The following SLC4A7 variants were observed in gnomAD, a reference collection of about 807,000 sequenced individuals.
SLC4A7 encodes the protein solute carrier family 4 member 7.
In SLC4A7, 51 loss-of-function variants were observed where a neutral mutation model predicts 137.6. The ratio of observed to expected loss-of-function variants is 0.37; its 90% CI spans 0.30 to 0.47. The LOEUF (loss-of-function observed/expected upper bound fraction) is 0.47, where lower values mean the gene tolerates loss of function less well. SLC4A7 is among the 20% of genes least tolerant of loss of function. SLC4A7 has a pLI of 1.00. For synonymous variants in SLC4A7, 542 were observed against 518.6 expected, an observed-to-expected ratio of 1.05 and a Z score of -0.61; for missense variants, 1,247 against 1,525.4, an observed-to-expected ratio of 0.82 and a Z score of 3.04.
At chr3:27,457,041 G>A (rs186324000) in intron 1 of SLC4A7, 1 of 533,110 alleles carries the variant, frequency 1.9e-6, no homozygotes, top group Non-Finnish European at 2.4e-6. Flanking sequence ...TGAGAGTATG[G>A]TTTATAATTA....
Position 27,374,926 on chromosome 3 carries a change from A to C in SLC4A7, c.*1838T>G, listed in dbSNP as rs2049799738. On this transcript the variant is annotated 3_prime_UTR_variant, in exon 26 of 26. Coordinates refer to ENST00000454389, the MANE Select transcript of SLC4A7 (RefSeq NM_001321103.2). ...GGAATCATTACAATGGAAGCTCATA[A>C]ACAATAATAAGCACCGTGGGTAATA... 1 of 152,500 alleles carries C rather than the reference A, an allele frequency of 6.6e-6. No homozygotes were observed. Among genetic ancestry groups the C allele is most frequent in the African/African-American group, 2.4e-5 (1 of 41,444 alleles). The allele number at this position is 152,500 out of a possible 1,614,324, so 9.4% of individuals were successfully genotyped here. A position where few individuals can be genotyped will look rare whatever the true frequency, so the allele number is the denominator to read the frequency against.
intron 7 of SLC4A7, among the ~76,000 whole-genome samples, chr3:27,429,784 G>A (rs920364589): frequency 6.6e-6 from 1 of 151,978 alleles, no homozygotes; most frequent in Non-Finnish European, 1.5e-5. Context: ...CAGGAGGCGA[G>A]GCTGCAGTGA....
intron 1 of SLC4A7, among the ~76,000 whole-genome samples, chr3:27,463,716 T>G (rs2058823335): frequency 6.6e-6 from 1 of 152,216 alleles, no homozygotes; most frequent in East Asian, 1.9e-4. Flanking sequence ...TGACCCCTCC[T>G]GTTCCCATTT....
At chr3:27,471,360 G>C (rs185556342) in intron 1 of SLC4A7, among the ~76,000 whole-genome samples, 158 of 152,278 alleles carry the variant, frequency 1.0e-3, no homozygotes, top group African/African-American at 3.7e-3. Context: ...AGGCTAGTCA[G>C]GATTTCAGCC....
chr3:27,461,621 A>T (rs1344102439), intron 1 of SLC4A7, among the ~76,000 whole-genome samples: 6 of 151,550 alleles, frequency 4.0e-5, no homozygotes, highest in African/African-American at 1.5e-4. Flanking sequence ...AAAAAAAAAA[A>T]AAGAATAAAT....
At chr3:27,474,945 T>C (rs1488312144) in intron 1 of SLC4A7, among the ~76,000 whole-genome samples, 1 of 151,538 alleles carries the variant, frequency 6.6e-6, no homozygotes, top group Non-Finnish European at 1.5e-5. Flanking sequence ...CCATCTCTAC[T>C]ACAAACACAA....
At position 27,390,074 on chromosome 3, in the gene SLC4A7, G is replaced by A; in HGVS notation, c.3217C>T (p.Pro1073Ser). 6.2e-7 allele frequency: 1 copy of A among 1,606,076 alleles called. No individual in the cohort carries two copies. The highest frequency in any genetic ancestry group is 2.2e-5 in the East Asian group (1 of 44,714). ...ATCAAATCAGGCTGATGCTTAGCAG[G>A]CATTCCAAATAATTTTATACGGTCA... ...LFDRIKLFGM[P>S]AKHQPDLIYL... The change falls in exon 22 of 26, where the codon CCT (proline) becomes TCT (serine). Residue 1073 changes from proline to serine, a missense_variant. Transcript: ENST00000454389.
chr3:27,430,117 G>A (rs749809677), intron 7 of SLC4A7, among the ~76,000 whole-genome samples: 55 of 152,218 alleles, frequency 3.6e-4, no homozygotes, highest in Middle Eastern at 3.4e-3. Flanking sequence ...GCTGAGTCAG[G>A]AGGATTGCTT....
chr3:27,399,018 A>C (rs554907767), intron 16 of SLC4A7, among the ~76,000 whole-genome samples: 5 of 152,240 alleles, frequency 3.3e-5, no homozygotes, highest in Non-Finnish European at 7.4e-5. Context: ...GAAAAAAAAA[A>C]AAAACTGAAA....
chr3:27,398,172 C>A lies in SLC4A7; in HGVS notation c.2589+20G>T. On this transcript the variant is annotated intron_variant, in intron 17 of 25. Coordinates refer to ENST00000454389, the MANE Select transcript of SLC4A7 (RefSeq NM_001321103.2). ...AAAAATATGAATATTACCAGAATTCCAAAATTATATCACAGTTACCTTGGT... is the reference window on the plus strand; with the variant it reads ...AAAAATATGAATATTACCAGAATTCAAAAATTATATCACAGTTACCTTGGT... The A allele has an allele frequency of 3.2e-6, 5 of 1,569,128 alleles. No homozygotes were observed. The highest frequency in any genetic ancestry group is 3.5e-6 in the Non-Finnish European group (4 of 1,156,144).
chr3:27,419,631 C>T (rs764493709), intron 10 of SLC4A7, among the ~76,000 whole-genome samples: 7 of 150,928 alleles, frequency 4.6e-5, no homozygotes, highest in Non-Finnish European at 1.0e-4. Context: ...CCACTGCGCC[C>T]GGCCAAAAGT....
At chr3:27,456,091 G>A (rs1383321099) in intron 1 of SLC4A7, among the ~76,000 whole-genome samples, 1 of 152,048 alleles carries the variant, frequency 6.6e-6, no homozygotes, top group African/African-American at 2.4e-5. Flanking sequence ...TATCAAAAAT[G>A]ACACTTAACA....
chr3:27,452,532 T>C, intron 1 of SLC4A7, 34 bp from the exon 2 acceptor site: 5 of 1,445,866 alleles, frequency 3.5e-6, no homozygotes, highest in Non-Finnish European at 4.8e-6. Flanking sequence ...ACTCATGAGA[T>C]CACAATCTAT....
chr3:27,456,758 A>C (rs1035880186), intron 1 of SLC4A7: 1 of 1,583,800 alleles, frequency 6.3e-7, no homozygotes, highest in Non-Finnish European at 8.5e-7. Context: ...CAGTGAGCAC[A>C]TATCTGATTT....
rs917807031 is a variant in SLC4A7 at position 27,473,945 on chromosome 3, T to C, written c.60+10122A>G. ...ATTATTTCATATTACAGAAAAAATA[T>C]ATAAATGGTAAATTTAAGATGAAAC... On this transcript the variant is annotated intron_variant, in intron 1 of 25. Coordinates refer to ENST00000454389, the MANE Select transcript of SLC4A7 (RefSeq NM_001321103.2). Among the ~76,000 whole-genome samples the C allele has an allele frequency of 1.6e-4, 24 of 152,248 alleles. 1 individual carries two copies. The highest frequency in any genetic ancestry group is 1.3e-3 in the Admixed American group (20 of 15,278).
intron 10 of SLC4A7, among the ~76,000 whole-genome samples, chr3:27,419,166 T>A (rs1356607845): frequency 6.6e-6 from 1 of 152,022 alleles, no homozygotes; most frequent in African/African-American, 2.4e-5. Context: ...AACGCGTTAT[T>A]AAATAAATAA....
At chr3:27,421,147 C>T (rs559301593) in intron 9 of SLC4A7, among the ~76,000 whole-genome samples, 5 of 151,572 alleles carry the variant, frequency 3.3e-5, no homozygotes, top group African/African-American at 7.3e-5. Context: ...ATTTTATGCC[C>T]TATTCACAGG....
chr3:27,383,657 T>C (rs188667800), intron 23 of SLC4A7, among the ~76,000 whole-genome samples: 1 of 152,318 alleles, frequency 6.6e-6, no homozygotes, highest in African/African-American at 2.4e-5. Context: ...ATTTAGGGTA[T>C]AATATTTATC....
At chr3:27,445,963 A>AATATATATATATATATATATATATAT (rs201941653) in intron 3 of SLC4A7, among the ~76,000 whole-genome samples, 2 of 37,500 alleles carry the variant, frequency 5.3e-5, no homozygotes, top group African/African-American at 2.1e-4. Context: ...AAAAAAAAAA[A>AATATATATATATATATATATATATAT]ATATATATAT....
Sources: allele counts gnomAD v4.1 joint callset (sites outside exome capture counted in the v4.1 genomes callset), GRCh38; gene constraint gnomAD v4.1.1; transcripts MANE v1.5; gene names NCBI Gene and HGNC (gene_info 2026-07-23, HGNC 2026-07-21).